ATP8B4: variants seen among roughly 807,000 people sequenced by gnomAD.
ATP8B4 encodes the protein probable phospholipid-transporting ATPase IM.
ATP8B4 carries 133 observed loss-of-function variants against 145.6 expected under a neutral mutation model. The ratio of observed to expected loss-of-function variants is 0.91; its 90% CI spans 0.79 to 1.05. ATP8B4 has a LOEUF of 1.05. Among genes scored for constraint, ATP8B4 ranks in the 50% least tolerant of loss-of-function variants. The pLI is 0.00. For synonymous variants in ATP8B4, 507 were observed against 492.9 expected (o/e 1.03, Z -0.38); for missense variants, 1,458 against 1,425.2 (o/e 1.02, Z -0.37).
chr15:50,113,608 G>A (rs373259709), intron 1 of ATP8B4, among the ~76,000 whole-genome samples: 2 of 152,124 alleles, frequency 1.3e-5, no homozygotes, highest in Admixed American at 1.3e-4. Flanking sequence ...GGAGGCCGAG[G>A]TGGGTGGATC....
intron 12 of ATP8B4, among the ~76,000 whole-genome samples, chr15:49,974,603 ACTTT>A (rs2045506956): frequency 6.6e-6 from 1 of 151,974 alleles, no homozygotes; most frequent in African/African-American, 2.4e-5. Context: ...AAAAGTTTAT[ACTTT>A]CTGTTTTTGT....
In ATP8B4 at chr15:49,874,039, C is replaced by A. The variant is rs143062698; in HGVS notation, c.3027+2239G>T. ...ACAGGATCAGTAGCAGGAGAATTTCCTCTCAACATCTCCCTCATTTATTCA... is the reference window on the plus strand; with the variant it reads ...ACAGGATCAGTAGCAGGAGAATTTCATCTCAACATCTCCCTCATTTATTCA... On this transcript the variant is annotated intron_variant, in intron 25 of 27. Coordinates refer to ENST00000284509, the MANE Select transcript of ATP8B4 (RefSeq NM_024837.4). 1.4e-3 allele frequency among the ~76,000 whole-genome samples: 214 copies of A among 152,324 alleles called. 1 individual carries two copies. Among genetic ancestry groups the A allele is most frequent in the African/African-American group, 4.9e-3 (203 of 41,566 alleles).
At chr15:50,108,363 G>A (rs1349017967) in intron 1 of ATP8B4, among the ~76,000 whole-genome samples, 1 of 152,028 alleles carries the variant, frequency 6.6e-6, no homozygotes, top group Non-Finnish European at 1.5e-5. Flanking sequence ...AAGGGGAATG[G>A]CATCATGTCA....
At chr15:49,864,079 G>A (rs961666973) in intron 26 of ATP8B4, among the ~76,000 whole-genome samples, 3 of 152,126 alleles carry the variant, frequency 2.0e-5, no homozygotes, top group East Asian at 3.9e-4. Context: ...TGGTGTCTTT[G>A]TTTCCCAATA....
chr15:49,870,053 A>C (rs2033436250), intron 25 of ATP8B4, among the ~76,000 whole-genome samples: 1 of 152,208 alleles, frequency 6.6e-6, no homozygotes, highest in African/African-American at 2.4e-5. Context: ...TATATGTACT[A>C]ATATATGCAT....
At chr15:49,953,110 G>A (rs185119773) in intron 14 of ATP8B4, among the ~76,000 whole-genome samples, 55 of 152,174 alleles carry the variant, frequency 3.6e-4, no homozygotes, top group South Asian at 8.3e-4. Flanking sequence ...CTGACCTCGA[G>A]GGGCACCAAC....
chr15:49,986,517 C>T (rs2046610634), intron 10 of ATP8B4, among the ~76,000 whole-genome samples: 1 of 152,228 alleles, frequency 6.6e-6, no homozygotes, highest in African/African-American at 2.4e-5. Context: ...CTAACACCAA[C>T]AGCTGACAGT....
At chr15:50,051,195 G>T (rs1402222425) in intron 3 of ATP8B4, among the ~76,000 whole-genome samples, 1 of 152,084 alleles carries the variant, frequency 6.6e-6, no homozygotes, top group African/African-American at 2.4e-5. Context: ...ATTTTATAAG[G>T]GGCTTTCCCT....
chr15:49,929,049 G>A (rs1180381766), intron 16 of ATP8B4, among the ~76,000 whole-genome samples: 1 of 152,116 alleles, frequency 6.6e-6, no homozygotes, highest in Non-Finnish European at 1.5e-5. Flanking sequence ...AGAGGCTGAG[G>A]CCCAGCAATC....
At chr15:49,977,463 C>T (rs760812403) in intron 12 of ATP8B4, among the ~76,000 whole-genome samples, 2 of 152,002 alleles carry the variant, frequency 1.3e-5, no homozygotes, top group Non-Finnish European at 2.9e-5. Context: ...TCATACATAG[C>T]TTAGGGATAT....
Position 49,972,632 on chromosome 15 carries a change from G to C in ATP8B4, c.1193C>G (p.Thr398Ser). 2 of 1,613,934 alleles carry C rather than the reference G, an allele frequency of 1.2e-6. No homozygotes were observed. Among genetic ancestry groups the C allele is most frequent in the South Asian group, 2.2e-5 (2 of 91,060 alleles). The change falls in exon 13 of 28, where the codon ACT (threonine) becomes AGT (serine). Residue 398 changes from threonine (T) to serine (S), a missense_variant. Physicochemically the swap from Thr to Ser is moderately conservative, Grantham distance 58. Coordinates refer to ENST00000284509, the MANE Select transcript of ATP8B4 (RefSeq NM_024837.4). ...YIFSDKTGTLTQNIMTFKRCS... is the reference protein window; with the variant it reads ...YIFSDKTGTLSQNIMTFKRCS... ...TCTTTTAAAGGTCATGATGTTTTGA[G>C]TGAGGGTACCCGTTTTGTCGGAGAA...
intron 14 of ATP8B4, among the ~76,000 whole-genome samples, chr15:49,960,024 A>AT (rs1387497063): frequency 2.1e-5 from 3 of 142,440 alleles, no homozygotes; most frequent in Admixed American, 7.3e-5. Flanking sequence ...CTTGTCAATA[A>AT]TTTTTTTGGT....
intron 23 of ATP8B4, chr15:49,895,152 C>G (rs1464933436): frequency 6.6e-6 from 1 of 152,236 alleles, no homozygotes; most frequent in Non-Finnish European, 1.5e-5. Flanking sequence ...GGGAGATCAG[C>G]TGTTGGCTTA....
At chr15:49,883,887 C>T (rs989720144) in intron 23 of ATP8B4, among the ~76,000 whole-genome samples, 11 of 152,128 alleles carry the variant, frequency 7.2e-5, no homozygotes, top group Admixed American at 4.6e-4. Flanking sequence ...CACAATAATA[C>T]AAAAAGTTAT....
intron 1 of ATP8B4, among the ~76,000 whole-genome samples, chr15:50,156,076 AT>A (rs1189393492): frequency 0.012 from 75 of 6,050 alleles, no homozygotes; most frequent in South Asian, 0.11. Context: ...ATAAATAAAT[AT>A]ATATATATAT....
chr15:50,054,828 A>AACCT (rs2052484554), intron 3 of ATP8B4, among the ~76,000 whole-genome samples: 2 of 147,108 alleles, frequency 1.4e-5, no homozygotes, highest in African/African-American at 5.0e-5. Context: ...AAAAAACACC[A>AACCT]ACCTCAGCAC....
rs1346764125 is a variant in ATP8B4, at chr15:49,859,807, T to G, written c.*387A>C. 1 of 176,220 alleles carries G rather than the reference T, an allele frequency of 5.7e-6. No individual in the cohort carries two copies. The highest frequency in any genetic ancestry group is 1.2e-5 in the Non-Finnish European group (1 of 83,164). 10.9% of individuals were successfully genotyped at this position (176,220 alleles called of 1,614,324 possible). A position where few individuals can be genotyped will look rare whatever the true frequency, so the allele number is the denominator to read the frequency against. On this transcript the variant is annotated 3_prime_UTR_variant, in exon 28 of 28. Transcript: ENST00000284509. ...CTGTCAATAGGCATGCTTTTCAGCT[T>G]GGATATATACCTTTAAAATGCACCC...
intron 23 of ATP8B4, chr15:49,879,752 G>A (rs996218534): frequency 8.8e-6 from 2 of 227,358 alleles, no homozygotes; most frequent in African/African-American, 2.3e-5. Flanking sequence ...TGCGGGACAC[G>A]TATGAGCCCC....
chr15:49,873,953 C>T (rs772903598), intron 25 of ATP8B4, among the ~76,000 whole-genome samples: 9 of 152,208 alleles, frequency 5.9e-5, no homozygotes, highest in Non-Finnish European at 1.2e-4. Context: ...TCTGTAAACA[C>T]ATCAGTTATA....
Sources: allele counts gnomAD v4.1 joint callset (sites outside exome capture counted in the v4.1 genomes callset), GRCh38; gene constraint gnomAD v4.1.1; transcripts MANE v1.5; gene names NCBI Gene and HGNC (gene_info 2026-07-23, HGNC 2026-07-21).